Variants in PRKD1 observed in about 807,000 individuals in gnomAD.
PRKD1 encodes protein kinase D1, also known as serine/threonine-protein kinase D1.
In PRKD1, 63 loss-of-function variants were observed where a neutral mutation model predicts 95.9. That is an observed-to-expected ratio of 0.66 (90% CI 0.54 to 0.81). The LOEUF is 0.81. Among genes scored for constraint, PRKD1 ranks in the 30% least tolerant of loss-of-function variants. PRKD1 has a pLI of 0.00. For missense variants in PRKD1, 1,048 were observed against 1,165.3 expected (o/e 0.90, Z 1.47); for synonymous variants, 425 against 423.1 (o/e 1.00, Z -0.05).
chr14:29,696,058 G>T (rs1884498392), intron 2 of PRKD1, among the ~76,000 whole-genome samples: 1 of 152,100 alleles, frequency 6.6e-6, no homozygotes, highest in African/African-American at 2.4e-5. Context: ...GTCTTCTTTT[G>T]CAATTTCTGA....
intron 1 of PRKD1, among the ~76,000 whole-genome samples, chr14:29,760,767 T>C (rs1285709602): frequency 6.6e-6 from 1 of 152,198 alleles, no homozygotes; most frequent in East Asian, 1.9e-4. Flanking sequence ...CTCCACTTTG[T>C]TCTTCAGTTT....
intron 16 of PRKD1, among the ~76,000 whole-genome samples, chr14:29,586,334 A>G (rs574341120): frequency 6.6e-6 from 1 of 152,334 alleles, no homozygotes; most frequent in African/African-American, 2.4e-5. Flanking sequence ...GGATTACACA[A>G]ATAATTTCCC....
intron 4 of PRKD1, chr14:29,650,438 A>T (rs1267610518): frequency 1.3e-5 from 2 of 152,326 alleles, no homozygotes; most frequent in Non-Finnish European, 2.9e-5. Context: ...CATTGGCACC[A>T]AGTTTCCCAG....
At chr14:29,730,095 G>A (rs1425948968) in intron 1 of PRKD1, among the ~76,000 whole-genome samples, 1 of 151,878 alleles carries the variant, frequency 6.6e-6, no homozygotes, top group Non-Finnish European at 1.5e-5. Flanking sequence ...AGAGTGAAGA[G>A]ACCACCTGTG....
At chr14:29,708,400 G>T (rs1262427075) in intron 2 of PRKD1, among the ~76,000 whole-genome samples, 2 of 152,118 alleles carry the variant, frequency 1.3e-5, no homozygotes, top group Admixed American at 1.3e-4. Flanking sequence ...GACTGAATAG[G>T]TATTAAGTGC....
intron 2 of PRKD1, among the ~76,000 whole-genome samples, chr14:29,676,479 C>G (rs930025272): frequency 5.9e-5 from 9 of 152,094 alleles, no homozygotes; most frequent in Non-Finnish European, 1.3e-4. Flanking sequence ...CTCAGCGTCC[C>G]GAATAGCTGG....
chr14:29,805,597 A>G (rs1371888695), intron 1 of PRKD1, among the ~76,000 whole-genome samples: 2 of 152,262 alleles, frequency 1.3e-5, no homozygotes, highest in African/African-American at 2.4e-5. Flanking sequence ...AATGTAGAAT[A>G]ACTCCTTTAA....
rs535606226 is a variant in PRKD1 at position 29,872,422 on chromosome 14, A to G, written c.264+54827T>C. 2.7e-3 allele frequency among the ~76,000 whole-genome samples: 417 copies of G among 152,036 alleles called. 1 individual carries two copies. The highest frequency in any genetic ancestry group is 9.4e-3 in the African/African-American group (391 of 41,504). On this transcript the variant is annotated intron_variant, in intron 1 of 17. Coordinates refer to ENST00000331968, the MANE Select transcript of PRKD1 (RefSeq NM_002742.3). ...TCACGCCTGTAATCCCAGCACTTTG[A>G]GAGGCCAAGGTGGGTGGATCACGAG... is the stretch of plus-strand genomic sequence containing the variant.
At position 29,692,395 on chromosome 14, in the gene PRKD1, G is replaced by A. The variant is rs112997406; in HGVS notation, c.404-26187C>T. Among the ~76,000 whole-genome samples, 23 of 152,244 alleles carry A rather than the reference G, an allele frequency of 1.5e-4. 1 individual carries two copies. The highest frequency in any genetic ancestry group is 5.5e-4 in the African/African-American group (23 of 41,544). On this transcript the variant is annotated intron_variant, in intron 2 of 17. Coordinates refer to ENST00000331968, the MANE Select transcript of PRKD1 (RefSeq NM_002742.3). ...CAGATTTTGTAAACATTTGACCTCA[G>A]TTGTAATACTGAAAGCCAGATAACT...
intron 13 of PRKD1, among the ~76,000 whole-genome samples, chr14:29,617,444 A>T (rs1878943314): frequency 6.6e-6 from 1 of 152,198 alleles, no homozygotes; most frequent in Non-Finnish European, 1.5e-5. Context: ...TAAATACAGG[A>T]GAATAATTTA....
chr14:29,877,200 A>C (rs1428208474), intron 1 of PRKD1, among the ~76,000 whole-genome samples: 2 of 152,204 alleles, frequency 1.3e-5, no homozygotes, highest in Non-Finnish European at 2.9e-5. Context: ...AACAGAGAAT[A>C]ACAAGTGTTG....
intron 13 of PRKD1, among the ~76,000 whole-genome samples, chr14:29,604,859 A>G (rs996794603): frequency 2.6e-5 from 4 of 152,176 alleles, no homozygotes; most frequent in African/African-American, 9.7e-5. Flanking sequence ...CTTATATTCA[A>G]TTGTCTTTGG....
At chr14:29,868,231 C>T (rs1329225289) in intron 1 of PRKD1, among the ~76,000 whole-genome samples, 1 of 152,068 alleles carries the variant, frequency 6.6e-6, no homozygotes, top group Admixed American at 6.6e-5. Flanking sequence ...AAAACCCACG[C>T]TGAAATTGTT....
chr14:29,821,278 T>C (rs1289713977), intron 1 of PRKD1, among the ~76,000 whole-genome samples: 1 of 152,100 alleles, frequency 6.6e-6, no homozygotes, highest in Non-Finnish European at 1.5e-5. Flanking sequence ...CTTAAGACTG[T>C]CAGAAAGATA....
At chr14:29,868,121 C>A in intron 1 of PRKD1, among the ~76,000 whole-genome samples, 1 of 151,916 alleles carries the variant, frequency 6.6e-6, no homozygotes, top group East Asian at 1.9e-4. Flanking sequence ...GTTTGTTTAC[C>A]TTATGTCTGG....
At chr14:29,693,651 C>CA (rs201168452) in intron 2 of PRKD1, among the ~76,000 whole-genome samples, 52,793 of 133,252 alleles carry the variant, frequency 0.4, 10,110 homozygotes, top group South Asian at 0.48. Context: ...ACAACAACAA[C>CA]AAAAAAAAAA....
In PRKD1 at chr14:29,745,758, G is replaced by C. The variant is rs1406109393; in HGVS notation, c.265-20084C>G. Among the ~76,000 whole-genome samples, 4 of 152,150 alleles carry C rather than the reference G, an allele frequency of 2.6e-5. No individual in the cohort carries two copies. The East Asian group carries it at 7.7e-4, about 29-fold the overall frequency. On this transcript the variant is annotated intron_variant, in intron 1 of 17. Coordinates refer to ENST00000331968, the MANE Select transcript of PRKD1 (RefSeq NM_002742.3). ...CCCAAAGCACTTGGATTACAGGTGT[G>C]AGCCACCTGCACCCAGCCCATTTTT...
intron 1 of PRKD1, among the ~76,000 whole-genome samples, chr14:29,729,828 CTG>C (rs1034859828): frequency 3.3e-5 from 5 of 151,928 alleles, no homozygotes; most frequent in African/African-American, 9.7e-5. Context: ...TTTGAAAAAG[CTG>C]TGTCTTTATT....
At chr14:29,853,049 T>C (rs191940196) in intron 1 of PRKD1, among the ~76,000 whole-genome samples, 74 of 152,246 alleles carry the variant, frequency 4.9e-4, no homozygotes, top group African/African-American at 1.7e-3. Context: ...AAAAAGATAG[T>C]TCATATAAAT....
Sources: allele counts gnomAD v4.1 joint callset (sites outside exome capture counted in the v4.1 genomes callset), GRCh38; gene constraint gnomAD v4.1.1; transcripts MANE v1.5; gene names NCBI Gene and HGNC (gene_info 2026-07-23, HGNC 2026-07-21).